TRAK1: variants seen among roughly 807,000 people sequenced by gnomAD.
TRAK1 encodes the protein trafficking kinesin-binding protein 1.
Under a neutral mutation model 92.1 loss-of-function variants are expected in TRAK1, and 33 were observed. The ratio of observed to expected loss-of-function variants is 0.36; its 90% CI spans 0.27 to 0.48. TRAK1 has a LOEUF of 0.48. TRAK1 is among the 20% of genes least tolerant of loss of function. TRAK1 has a pLI of 0.99. For synonymous variants in TRAK1, 521 were observed against 517.3 expected (o/e 1.01, Z -0.10); for missense variants, 1,123 against 1,257.9 (o/e 0.89, Z 1.62).
chr3:42,192,977 A>G, intron 7 of TRAK1, 98 bp from the exon 8 acceptor site: 3 of 1,520,764 alleles, frequency 2.0e-6, no homozygotes, highest in Non-Finnish European at 2.7e-6. Flanking sequence ...TTTAGTAAGG[A>G]TGGTTTTTCT....
intron 2 of TRAK1, among the ~76,000 whole-genome samples, chr3:42,129,556 T>G (rs113759903): frequency 0.03 from 4,527 of 152,266 alleles, 238 homozygotes; most frequent in African/African-American, 0.1. Flanking sequence ...AGAGAAGTTT[T>G]AGTGCTTCTC....
chr3:42,099,532 G>A (rs979114464), intron 1 of TRAK1, among the ~76,000 whole-genome samples: 1 of 152,144 alleles, frequency 6.6e-6, no homozygotes, highest in African/African-American at 2.4e-5. Flanking sequence ...TGGGAGAGAT[G>A]GAAATGGTTG....
chr3:42,043,776 C>A (rs989401851), intron 1 of TRAK1, among the ~76,000 whole-genome samples: 2 of 151,932 alleles, frequency 1.3e-5, no homozygotes, highest in African/African-American at 2.4e-5. Flanking sequence ...ACCCCACCCC[C>A]CCGCCACCCC....
At position 42,223,454 on chromosome 3, in the gene TRAK1, G is replaced by A. The variant is rs144331199; in HGVS notation, c.2579G>A (p.Arg860Gln). 365 of 1,613,942 alleles carry A rather than the reference G, an allele frequency of 2.3e-4. 1 individual carries two copies. The highest frequency in any genetic ancestry group is 7.4e-5 in the Non-Finnish European group (87 of 1,179,992). The part of the protein sequence containing the change: ...FGVAKVVNSG[R>Q]AHVPTLTEEQ... ...GTGGCCAAAGTGGTGAACTCAGGGCGAGCCCATGTCCCCACCTTGACTGAG... is the reference window on the plus strand; with the variant it reads ...GTGGCCAAAGTGGTGAACTCAGGGCAAGCCCATGTCCCCACCTTGACTGAG... Residue 860 changes from arginine to glutamine, a missense_variant, in exon 16 of 16, where the codon CGA (arginine) becomes CAA (glutamine). Arg to Gln is a conservative substitution (Grantham distance 43). Coordinates refer to ENST00000327628, the MANE Select transcript of TRAK1 (RefSeq NM_001042646.3). The surrounding 1 kb of genome is among the most constrained non-coding windows in gnomAD (Gnocchi z 6.1).
intron 1 of TRAK1, among the ~76,000 whole-genome samples, chr3:42,118,591 C>A (rs906866914): frequency 9.2e-5 from 14 of 152,290 alleles, no homozygotes; most frequent in Non-Finnish European, 1.8e-4. Context: ...GGATCTAGCC[C>A]CAGTCAGGTG....
intron 1 of TRAK1, among the ~76,000 whole-genome samples, chr3:42,071,032 G>A (rs1446084766): frequency 6.6e-6 from 1 of 152,144 alleles, no homozygotes; most frequent in Admixed American, 6.5e-5. Flanking sequence ...TGGGCCTCAT[G>A]GGCTGCTGTG....
At chr3:42,151,123 G>C (rs985643693) in intron 2 of TRAK1, among the ~76,000 whole-genome samples, 3 of 152,216 alleles carry the variant, frequency 2.0e-5, no homozygotes, top group African/African-American at 7.2e-5. Flanking sequence ...TGCTGTCAGA[G>C]GCCCCGTGGA....
chr3:42,156,103 G>A (rs1420260697), intron 2 of TRAK1, among the ~76,000 whole-genome samples: 1 of 152,154 alleles, frequency 6.6e-6, no homozygotes, highest in African/African-American at 2.4e-5. Context: ...CACACCTCCA[G>A]CTCCAGGCTC....
chr3:42,112,289 A>G (rs1387161613), intron 1 of TRAK1, among the ~76,000 whole-genome samples: 1 of 150,748 alleles, frequency 6.6e-6, no homozygotes, highest in Non-Finnish European at 1.5e-5. Context: ...CGTCTCTACT[A>G]TAAATACAAA....
chr3:42,164,934 C>T (rs1701680381), intron 2 of TRAK1, among the ~76,000 whole-genome samples: 1 of 152,194 alleles, frequency 6.6e-6, no homozygotes, highest in Admixed American at 6.5e-5. Context: ...ATGGTCACTT[C>T]CTTGTGGCCT....
intron 9 of TRAK1, among the ~76,000 whole-genome samples, chr3:42,194,429 G>T (rs1455378013): frequency 1.9e-4 from 29 of 151,156 alleles, no homozygotes; most frequent in Non-Finnish European, 3.5e-4. Context: ...GAAAGATGAG[G>T]TTTTCCCATG....
chr3:42,054,088 C>T (rs1576191954), intron 1 of TRAK1, among the ~76,000 whole-genome samples: 3 of 152,274 alleles, frequency 2.0e-5, no homozygotes, highest in African/African-American at 4.8e-5. Context: ...GGGTAGACAG[C>T]GACCTGTCCT....
At chr3:42,083,344 AT>A (rs917365021), upstream of TRAK1, among the ~76,000 whole-genome samples, 26 of 152,000 alleles carry the variant, frequency 1.7e-4, no homozygotes, top group African/African-American at 5.8e-4. Context: ...TTACATGTTG[AT>A]TTTAAGTGTT....
At chr3:42,215,401 T>C (rs1194830148) in intron 14 of TRAK1, among the ~76,000 whole-genome samples, 1 of 152,244 alleles carries the variant, frequency 6.6e-6, no homozygotes, top group Non-Finnish European at 1.5e-5. Context: ...TAGGGGATAG[T>C]CCAAGACACA....
chr3:42,159,668 A>G (rs1318245012), intron 2 of TRAK1, among the ~76,000 whole-genome samples: 5 of 152,340 alleles, frequency 3.3e-5, no homozygotes, highest in East Asian at 1.9e-4. Flanking sequence ...AATGGAGGTT[A>G]TTATCAAAGA....
chr3:42,073,650 T>C (rs1444990877), intron 1 of TRAK1, among the ~76,000 whole-genome samples: 1 of 152,184 alleles, frequency 6.6e-6, no homozygotes, highest in Non-Finnish European at 1.5e-5. Flanking sequence ...CTTGACAGCC[T>C]TGCTTTTTTG....
rs369404508 is a variant in TRAK1 at position 42,091,527 on chromosome 3, T to C, written c.58T>C (p.Cys20Arg). ...PVRAQPLPGL[C>R]HGKLIRTNAC... is the part of the protein sequence containing the mutation. ...CAGGGCTCAGCCTCTGCCAGGACTC[T>C]GCCACGGCAAGCTCATTCGGACAAA... The change falls in exon 1 of 16, where the codon TGC becomes CGC. Residue 20 changes from cysteine to arginine, a missense_variant. Transcript: ENST00000327628. 2.3e-5 allele frequency: 37 copies of C among 1,613,332 alleles called. No individual in the cohort carries two copies. The African/African-American group carries it at 3.3e-4, about 15-fold the overall frequency.
At chr3:42,178,144 T>C (rs1487945111) in intron 3 of TRAK1, among the ~76,000 whole-genome samples, 1 of 152,196 alleles carries the variant, frequency 6.6e-6, no homozygotes, top group Non-Finnish European at 1.5e-5. Context: ...GTTCGGGTCA[T>C]TGAGTCTTCT....
At chr3:42,165,521 C>T (rs1479943860) in intron 2 of TRAK1, among the ~76,000 whole-genome samples, 2 of 152,044 alleles carry the variant, frequency 1.3e-5, no homozygotes, top group Admixed American at 1.3e-4. Flanking sequence ...AGGACTGGGC[C>T]CTGTGGGGGA....
Sources: gnomAD v4.1 joint callset for allele counts (sites outside exome capture counted in the v4.1 genomes callset) on GRCh38, gnomAD v4.1.1 for gene constraint, Gnocchi (gnomAD v3.1) non-coding constraint, MANE v1.5 for transcripts, NCBI Gene and HGNC (gene_info 2026-07-23, HGNC 2026-07-21) for gene names.